STX17: variants seen among roughly 807,000 people sequenced by gnomAD.
STX17 encodes syntaxin-17.
STX17 carries 29 observed loss-of-function variants against 35.9 expected under a neutral mutation model. The ratio of observed to expected loss-of-function variants is 0.81; its 90% CI spans 0.60 to 1.10. STX17 has a LOEUF of 1.10. Ranked by LOEUF, STX17 falls within the 50% of genes least tolerant of loss-of-function variation. The pLI is 0.00. For missense variants in STX17, 312 were observed against 352.3 expected (o/e 0.89, Z 0.92); for synonymous variants, 92 against 118.3 (o/e 0.78, Z 1.44).
chr9:99,930,904 G>C (rs1829108815), intron 3 of STX17, among the ~76,000 whole-genome samples: 1 of 152,052 alleles, frequency 6.6e-6, no homozygotes, highest in Non-Finnish European at 1.5e-5. Flanking sequence ...AATATTGAAG[G>C]CTTTCTATCT....
intron 2 of STX17, among the ~76,000 whole-genome samples, chr9:99,920,956 T>G (rs906682794): frequency 1.3e-5 from 2 of 152,184 alleles, no homozygotes; most frequent in African/African-American, 4.8e-5. Flanking sequence ...CTCTTCTAGT[T>G]TTCTTGACAG....
chr9:99,962,061 C>T (rs982511175), intron 6 of STX17, among the ~76,000 whole-genome samples: 1 of 152,146 alleles, frequency 6.6e-6, no homozygotes, highest in Admixed American at 6.6e-5. Context: ...CTCTATCCCA[C>T]CCCACCATAT....
intron 3 of STX17, among the ~76,000 whole-genome samples, chr9:99,930,573 T>C (rs1179400553): frequency 1.3e-5 from 2 of 152,106 alleles, no homozygotes; most frequent in Non-Finnish European, 2.9e-5. Flanking sequence ...GGCTTTTCCA[T>C]TCTTTATTTT....
chr9:99,948,520 T>C (rs909542293), intron 3 of STX17, among the ~76,000 whole-genome samples: 7 of 152,180 alleles, frequency 4.6e-5, no homozygotes, highest in African/African-American at 1.2e-4. Flanking sequence ...CCTATACTAT[T>C]TACTAGCAGT....
At chr9:99,951,602 AG>A (rs1316104659) in intron 4 of STX17, among the ~76,000 whole-genome samples, 1 of 152,156 alleles carries the variant, frequency 6.6e-6, no homozygotes, top group East Asian at 1.9e-4. Flanking sequence ...ACTCCTTTCC[AG>A]GTGCAGGGGT....
intron 2 of STX17, among the ~76,000 whole-genome samples, chr9:99,917,934 G>A (rs1193763546): frequency 6.6e-6 from 1 of 152,118 alleles, no homozygotes; most frequent in African/African-American, 2.4e-5. Flanking sequence ...GAGGTAGTCT[G>A]GGGTACAGTG....
Position 99,968,742 on chromosome 9 carries a change from C to T in STX17, c.*69C>T, listed in dbSNP as rs1011731085. On this transcript the variant is annotated 3_prime_UTR_variant, in exon 8 of 8. Transcript: ENST00000259400. ...GGACCTTTGCTGCTGTTGGACACTC[C>T]GTCACCTTTTGGAACACAAGTATAT... 12 of 1,557,028 alleles carry T rather than the reference C, an allele frequency of 7.7e-6. No homozygotes were observed. The Admixed American group carries it at 1.1e-4, about 14-fold the overall frequency.
chr9:99,953,302 C>A (rs1006545781), intron 4 of STX17, among the ~76,000 whole-genome samples: 38 of 151,940 alleles, frequency 2.5e-4, no homozygotes, highest in Admixed American at 1.4e-3. Flanking sequence ...ACATAATGGA[C>A]CTAAATGTTT....
intron 4 of STX17, among the ~76,000 whole-genome samples, chr9:99,958,486 C>T (rs1587938810): frequency 6.6e-6 from 1 of 152,188 alleles, no homozygotes; most frequent in South Asian, 2.1e-4. Flanking sequence ...AGCACTTGTA[C>T]TTTATATATA....
chr9:99,920,812 CTT>C (rs113187855), intron 2 of STX17, among the ~76,000 whole-genome samples: 37,557 of 151,952 alleles, frequency 0.25, 5,539 homozygotes, highest in Non-Finnish European at 0.34. Flanking sequence ...GGATTGATAA[CTT>C]TTAATAGTGT....
intron 3 of STX17, chr9:99,945,801 GC>G: frequency 2.8e-6 from 1 of 362,238 alleles, no homozygotes; most frequent in Non-Finnish European, 5.4e-6. Context: ...GACAGTTGCG[GC>G]CGGGCGCGGT....
chr9:99,938,697 G>A (rs1829287816), intron 3 of STX17, among the ~76,000 whole-genome samples: 1 of 150,880 alleles, frequency 6.6e-6, no homozygotes, highest in Non-Finnish European at 1.5e-5. Flanking sequence ...TGAGGTGGGA[G>A]GATTTCTTGA....
chr9:99,937,367 A>C (rs1829257754), intron 3 of STX17, among the ~76,000 whole-genome samples: 2 of 152,094 alleles, frequency 1.3e-5, no homozygotes, highest in South Asian at 4.2e-4. Flanking sequence ...CTTCTCCTTC[A>C]AGGGCTCCAA....
Position 99,971,985 on chromosome 9 carries a change from C to A in STX17, c.*3312C>A, listed in dbSNP as rs769698539. ...TTGGTGACAGAACAAGACCCTCTCT[C>A]AAAAAAATATTTAAAAAAAGGTGGG... is the stretch of plus-strand genomic sequence containing the variant. On this transcript the variant is annotated 3_prime_UTR_variant, in exon 8 of 8. Transcript: ENST00000259400. 1.3e-5 allele frequency among the ~76,000 whole-genome samples: 2 copies of A among 152,060 alleles called. No homozygotes were observed. Among genetic ancestry groups the A allele is most frequent in the Non-Finnish European group, 2.9e-5 (2 of 68,006 alleles).
chr9:99,963,746 C>CT (rs1177194446), intron 6 of STX17, among the ~76,000 whole-genome samples: 1 of 152,186 alleles, frequency 6.6e-6, no homozygotes, highest in African/African-American at 2.4e-5. Context: ...GCTGAATCCT[C>CT]TGTTAGCAAC....
At chr9:99,952,826 A>C (rs997153638) in intron 4 of STX17, among the ~76,000 whole-genome samples, 1 of 149,590 alleles carries the variant, frequency 6.7e-6, no homozygotes, top group Non-Finnish European at 1.5e-5. Flanking sequence ...TGGGAATTGA[A>C]CAATGAGAAC....
intron 3 of STX17, 41 bp downstream of exon 3, chr9:99,928,884 A>C: frequency 6.3e-7 from 1 of 1,586,122 alleles, no homozygotes. Context: ...AGTATGAAAA[A>C]GACAGTCTTA....
intron 3 of STX17, among the ~76,000 whole-genome samples, chr9:99,949,816 C>T (rs1049595595): frequency 6.6e-6 from 1 of 151,404 alleles, no homozygotes; most frequent in African/African-American, 2.4e-5. Context: ...AAGTATAGAC[C>T]ATTGAGAAAG....
intron 1 of STX17, among the ~76,000 whole-genome samples, chr9:99,912,116 C>T (rs1221156872): frequency 6.6e-6 from 1 of 152,124 alleles, no homozygotes; most frequent in East Asian, 1.9e-4. Flanking sequence ...ATCCCAGCTA[C>T]TCAGGAGGCT....
Sources: allele counts gnomAD v4.1 joint callset (sites outside exome capture counted in the v4.1 genomes callset), GRCh38; gene constraint gnomAD v4.1.1; transcripts MANE v1.5; gene names NCBI Gene and HGNC (gene_info 2026-07-23, HGNC 2026-07-21).